CHAF1B: variants seen among roughly 807,000 people sequenced by gnomAD.
CHAF1B encodes the protein CAF-1 subunit B.
A neutral mutation model predicts 60.7 loss-of-function variants in CHAF1B; 10 were observed. That is an observed-to-expected ratio of 0.16 (90% CI 0.10 to 0.28). CHAF1B has a LOEUF of 0.28. CHAF1B is among the 10% of genes least tolerant of loss of function. CHAF1B has a pLI of 1.00. For synonymous variants in CHAF1B, 261 were observed against 266.1 expected (o/e 0.98, Z 0.19); for missense variants, 558 against 708.4 (o/e 0.79, Z 2.41).
Position 36,415,336 on chromosome 21 carries a change from G to A in CHAF1B, c.1535G>A (p.Ser512Asn). The change falls in exon 13 of 14, where the codon AGT becomes AAT. Residue 512 changes from serine to asparagine, a missense_variant. Physicochemically the swap from Ser to Asn is conservative, Grantham distance 46. This residue lies in a region of CHAF1B where 233 missense variants were observed against 214.9 expected (regional missense o/e 1.08). Coordinates refer to ENST00000314103, the MANE Select transcript of CHAF1B (RefSeq NM_005441.3). ...CCCTTAAAGACGGACACTCCACCAA[G>A]TTCTGTACCAACCAGTGTGATTTCC... ...LTPLKTDTPP[S>N]SVPTSVISTP... is the part of the protein sequence containing the mutation. 6.2e-7 allele frequency: 1 copy of A among 1,612,780 alleles called. No homozygotes were observed.
chr21:36,413,783 C>T (rs574883556), intron 12 of CHAF1B, among the ~76,000 whole-genome samples: 1 of 152,304 alleles, frequency 6.6e-6, no homozygotes, highest in East Asian at 1.9e-4. Context: ...GTCTTTGTGG[C>T]CCTTCAGCCT....
Position 36,414,271 on chromosome 21 carries a change from G to A in CHAF1B, c.1493+956G>A, listed in dbSNP as rs368404227. Among the ~76,000 whole-genome samples, 142 of 152,326 alleles carry A rather than the reference G, an allele frequency of 9.3e-4. No homozygotes were observed. In the Middle Eastern group the frequency reaches 0.024, roughly 26 times the overall value. ...AGTCACGAGGAGAGCTGGGAAGGGGGATGCAGAGGGGAGTGGTGGGGATGG... is the reference window on the plus strand; with the variant it reads ...AGTCACGAGGAGAGCTGGGAAGGGGAATGCAGAGGGGAGTGGTGGGGATGG... On this transcript the variant is annotated intron_variant, in intron 12 of 13. Coordinates refer to ENST00000314103, the MANE Select transcript of CHAF1B (RefSeq NM_005441.3).
At position 36,399,036 on chromosome 21, in the gene CHAF1B, A is replaced by ATT. The variant is rs201186457; in HGVS notation, c.579-468_579-467dup. Among the ~76,000 whole-genome samples the ATT allele has an allele frequency of 1.1e-3, 147 of 138,440 alleles. 1 individual carries two copies. The highest frequency in any genetic ancestry group is 3.1e-3 in the African/African-American group (116 of 37,546). 90.8% of individuals were successfully genotyped at this position (138,440 alleles called of 152,430 possible). A position where few individuals can be genotyped will look rare whatever the true frequency, so the allele number is the denominator to read the frequency against. On this transcript the variant is annotated intron_variant, in intron 6 of 13. Transcript: ENST00000314103. ...CTAGTGGGAGTAATGTGACTTACCA[A>ATT]TTTTTTTTTTTTTTTTTTGAGACAG...
In CHAF1B at chr21:36,416,530, G is replaced by C. The variant is rs2086321496; in HGVS notation, c.*164G>C. 1.9e-6 allele frequency: 1 copy of C among 525,334 alleles called. No homozygotes were observed. Among genetic ancestry groups the C allele is most frequent in the Non-Finnish European group, 3.4e-6 (1 of 294,384 alleles). 32.5% of individuals were successfully genotyped at this position (525,334 alleles called of 1,614,324 possible). ...GTACTGATTTTTCTCCAGAAATATG[G>C]ATGCTGTTGTATTCAGTATCCATTT... On this transcript the variant is annotated 3_prime_UTR_variant, in exon 14 of 14. Transcript: ENST00000314103.
intron 8 of CHAF1B, among the ~76,000 whole-genome samples, chr21:36,407,507 G>A (rs1042881005): frequency 1.3e-5 from 2 of 152,212 alleles, no homozygotes; most frequent in East Asian, 3.9e-4. Context: ...AGCAAAATAA[G>A]GAGAAGTGTC....
intron 10 of CHAF1B, among the ~76,000 whole-genome samples, chr21:36,411,046 T>C (rs2086274377): frequency 6.6e-6 from 1 of 152,112 alleles, no homozygotes. Flanking sequence ...CCTGGTACTT[T>C]TTGATTAGAT....
chr21:36,416,495 A>T lies in CHAF1B; in HGVS notation c.*129A>T. On this transcript the variant is annotated 3_prime_UTR_variant, in exon 14 of 14. Coordinates refer to ENST00000314103, the MANE Select transcript of CHAF1B (RefSeq NM_005441.3). ...ACTGTAAATGGATTTCTATAACAGA[A>T]GTGACATGTGTACTGATTTTTCTCC... 1 of 621,462 alleles carries T rather than the reference A, an allele frequency of 1.6e-6. No individual in the cohort carries two copies. Among genetic ancestry groups the T allele is most frequent in the Non-Finnish European group, 2.7e-6 (1 of 364,814 alleles). 38.5% of individuals were successfully genotyped at this position (621,462 alleles called of 1,614,324 possible). A position where few individuals can be genotyped will look rare whatever the true frequency, so the allele number is the denominator to read the frequency against.
chr21:36,408,524 C>T (rs218652), intron 8 of CHAF1B, among the ~76,000 whole-genome samples: 98,970 of 152,012 alleles, frequency 0.65, 34,480 homozygotes, highest in Non-Finnish European at 0.78. Context: ...GAACCAGGTC[C>T]CCGGGGATTG....
chr21:36,392,711 G>A (rs2086101339), intron 4 of CHAF1B, among the ~76,000 whole-genome samples: 1 of 151,662 alleles, frequency 6.6e-6, no homozygotes, highest in Non-Finnish European at 1.5e-5. Flanking sequence ...GGGCAGAGAC[G>A]CTCCTCACCT....
At chr21:36,401,008 T>C (rs1334447799) in intron 7 of CHAF1B, among the ~76,000 whole-genome samples, 1 of 152,012 alleles carries the variant, frequency 6.6e-6, no homozygotes, top group African/African-American at 2.4e-5. Flanking sequence ...TGGCTCAGCC[T>C]GTAATCCCAG....
At chr21:36,409,911 AG>A (rs2086264488) in intron 10 of CHAF1B, among the ~76,000 whole-genome samples, 1 of 151,758 alleles carries the variant, frequency 6.6e-6, no homozygotes, top group Admixed American at 6.6e-5. Flanking sequence ...GCACTTTAAA[AG>A]GAATGGACGT....
chr21:36,395,136 C>T (rs894562614), intron 5 of CHAF1B, among the ~76,000 whole-genome samples: 1 of 151,934 alleles, frequency 6.6e-6, no homozygotes, highest in Admixed American at 6.6e-5. Flanking sequence ...CTGAAATCTC[C>T]ACCTCCCGGG....
intron 4 of CHAF1B, among the ~76,000 whole-genome samples, chr21:36,392,390 C>A (rs547265810): frequency 1.3e-5 from 2 of 152,194 alleles, no homozygotes; most frequent in East Asian, 1.9e-4. Context: ...TTTTTCTATT[C>A]GACAAAACCG....
intron 10 of CHAF1B, 44 bp downstream of exon 10, chr21:36,409,509 A>T (rs1165701850): frequency 6.9e-7 from 1 of 1,448,078 alleles, no homozygotes; most frequent in Non-Finnish European, 9.7e-7. Flanking sequence ...TCTCTCCGAA[A>T]CAGGTCACCA....
intron 8 of CHAF1B, among the ~76,000 whole-genome samples, chr21:36,406,521 G>A (rs2086239381): frequency 6.6e-6 from 1 of 151,788 alleles, no homozygotes. Flanking sequence ...TCTGATCTCA[G>A]GTGATCCACC....
intron 8 of CHAF1B, 31 bp from the exon 9 acceptor site, chr21:36,408,730 C>T: frequency 6.5e-7 from 1 of 1,532,776 alleles, no homozygotes; most frequent in Non-Finnish European, 9.0e-7. Context: ...AGTGACTTTT[C>T]TTTCCTCTCC....
At chr21:36,406,607 GA>G (rs2086240155) in intron 8 of CHAF1B, among the ~76,000 whole-genome samples, 1 of 151,944 alleles carries the variant, frequency 6.6e-6, no homozygotes, top group South Asian at 2.1e-4. Flanking sequence ...TTAATTGACA[GA>G]TGAAATTGTA....
intron 10 of CHAF1B, among the ~76,000 whole-genome samples, 184 bp from the exon 11 acceptor site, chr21:36,411,279 A>G (rs548895081): frequency 5.3e-5 from 8 of 151,900 alleles, no homozygotes; most frequent in South Asian, 2.1e-4. Context: ...ACGCCTGGCT[A>G]ATTTTTGTAT....
rs971587941 is a variant in CHAF1B, at chr21:36,394,527, T to C, written c.378-20T>C. The C allele has an allele frequency of 1.9e-6, 3 of 1,580,124 alleles. No homozygotes were observed. The highest frequency in any genetic ancestry group is 1.4e-5 in the African/African-American group (1 of 74,042). ...ACCTGGGGAGTAATTGCTTTTTTCC[T>C]CTTTGTTTTTGGATTCTAGGGGCCA... On this transcript the variant is annotated intron_variant, in intron 4 of 13. Transcript: ENST00000314103.
Sources: gnomAD v4.1 joint callset for allele counts (sites outside exome capture counted in the v4.1 genomes callset) on GRCh38, gnomAD v4.1.1 for gene constraint, gnomAD v4.1.1 regional missense constraint, MANE v1.5 for transcripts, NCBI Gene and HGNC (gene_info 2026-07-23, HGNC 2026-07-21) for gene names.